DMXL1: variants seen among roughly 807,000 people sequenced by gnomAD.
DMXL1 encodes the protein Dmx like 1, also known as dmX-like protein 1.
A neutral mutation model predicts 319.2 loss-of-function variants in DMXL1; 99 were observed. The observed-to-expected ratio is 0.31, with a 90% confidence interval of 0.26 to 0.37. The LOEUF is 0.37. Ranked by LOEUF, DMXL1 falls within the 10% of genes least tolerant of loss-of-function variation. The pLI is 1.00. For synonymous variants in DMXL1, 1,385 were observed against 1,235.2 expected (o/e 1.12, Z -2.54); for missense variants, 3,745 against 3,595.6 (o/e 1.04, Z -1.06).
intron 1 of DMXL1, among the ~76,000 whole-genome samples, chr5:119,087,262 T>C (rs1478805399): frequency 6.6e-6 from 1 of 152,108 alleles, no homozygotes; most frequent in Non-Finnish European, 1.5e-5. Context: ...TTAGGTTATT[T>C]GAAGTCTTTC....
At chr5:119,199,418 C>G (rs1475663590) in intron 32 of DMXL1, among the ~76,000 whole-genome samples, 1 of 152,192 alleles carries the variant, frequency 6.6e-6, no homozygotes, top group Non-Finnish European at 1.5e-5. Flanking sequence ...TTTTTTATGG[C>G]TACATAGTAT....
At chr5:119,125,884 A>C (rs1045752593) in intron 9 of DMXL1, among the ~76,000 whole-genome samples, 2 of 152,232 alleles carry the variant, frequency 1.3e-5, no homozygotes, top group Non-Finnish European at 2.9e-5. Context: ...TAAAAAATCC[A>C]AAACAAACAA....
At position 119,116,141 on chromosome 5, in the gene DMXL1, G is replaced by GT. The variant is rs745748660; in HGVS notation, c.565-7dup. The GT allele has an allele frequency of 0.04, 46,052 of 1,144,476 alleles. No homozygotes were observed. The highest frequency in any genetic ancestry group is 0.066 in the South Asian group (3,983 of 60,564). 70.9% of individuals were successfully genotyped at this position (1,144,476 alleles called of 1,614,324 possible). A position where few individuals can be genotyped will look rare whatever the true frequency, so the allele number is the denominator to read the frequency against. On this transcript the variant is annotated splice_polypyrimidine_tract_variant and intron_variant, in intron 6 of 43. Transcript: ENST00000539542. ...TCTGATCTCCATGATTTTCTGTTTT[G>GT]TTTTTTTTTTCCTTAGGATGACTGT...
chr5:119,117,195 A>G (rs945701137), intron 7 of DMXL1, among the ~76,000 whole-genome samples: 1 of 151,968 alleles, frequency 6.6e-6, no homozygotes. Flanking sequence ...TGCTGGGCTA[A>G]TATATTTTTT....
chr5:119,220,658 A>G (rs1784494698), intron 36 of DMXL1, 65 bp downstream of exon 36: 2 of 1,547,382 alleles, frequency 1.3e-6, no homozygotes, highest in Non-Finnish European at 1.8e-6. Flanking sequence ...TACTGAACTA[A>G]AACTTTCAAA....
intron 38 of DMXL1, among the ~76,000 whole-genome samples, chr5:119,230,607 G>A (rs1786506620): frequency 6.6e-6 from 1 of 152,192 alleles, no homozygotes; most frequent in Admixed American, 6.5e-5. Context: ...TCTGGGCCGG[G>A]CACAGTGGCT....
intron 2 of DMXL1, chr5:119,100,547 C>G (rs1757018297): frequency 6.6e-6 from 1 of 151,474 alleles, no homozygotes; most frequent in Non-Finnish European, 1.5e-5. Context: ...AAAATTAATC[C>G]TCATTTATCC....
At chr5:119,138,699 T>A (rs904857841) in intron 13 of DMXL1, among the ~76,000 whole-genome samples, 6 of 152,098 alleles carry the variant, frequency 3.9e-5, no homozygotes, top group African/African-American at 1.4e-4. Context: ...TAGCCAGATG[T>A]GGTGGCAGGA....
chr5:119,077,447 G>GT (rs1424523298), intron 1 of DMXL1, among the ~76,000 whole-genome samples: 5 of 118,640 alleles, frequency 4.2e-5, no homozygotes, highest in Non-Finnish European at 7.2e-5. Flanking sequence ...TGATTTAGAA[G>GT]TTTCATGTAT....
rs1234616498 is a variant in DMXL1, at chr5:119,149,096, G to C, written c.3269G>C (p.Cys1090Ser). The part of the protein sequence containing the change: ...IFECESTGGS[C>S]WVLEQTIHLD... ...GAATGTGAGTCAACAGGAGGTTCAT[G>C]TTGGGTCCTTGAGCAGACAATTCAT... is the stretch of plus-strand genomic sequence containing the variant. The change falls in exon 18 of 44, where the codon TGT (cysteine) becomes TCT (serine). Residue 1090 changes from cysteine (C) to serine (S), a missense_variant. Coordinates refer to ENST00000539542, the MANE Select transcript of DMXL1 (RefSeq NM_001290321.3). 1 of 1,613,936 alleles carries C rather than the reference G, an allele frequency of 6.2e-7. No homozygotes were observed. Among genetic ancestry groups the C allele is most frequent in the Non-Finnish European group, 8.5e-7 (1 of 1,179,884 alleles).
At chr5:119,131,464 T>C (rs1345114756) in intron 10 of DMXL1, among the ~76,000 whole-genome samples, 1 of 152,334 alleles carries the variant, frequency 6.6e-6, no homozygotes, top group East Asian at 1.9e-4. Flanking sequence ...TCCATACACC[T>C]AGAGGATAAC....
intron 2 of DMXL1, among the ~76,000 whole-genome samples, chr5:119,099,293 C>T (rs1011978684): frequency 6.6e-6 from 1 of 152,104 alleles, no homozygotes; most frequent in African/African-American, 2.4e-5. Flanking sequence ...TCACTGCAGC[C>T]TCTGGCTTCC....
rs70982467 is a variant in DMXL1 at position 119,089,999 on chromosome 5, C to CTTTTTTTTTTTTTTTTT, written c.88-7958_88-7942dup. Among the ~76,000 whole-genome samples, 31 of 34,400 alleles carry CTTTTTTTTTTTTTTTTT rather than the reference C, an allele frequency of 9.0e-4. 10 individuals are homozygous for CTTTTTTTTTTTTTTTTT. Among genetic ancestry groups the CTTTTTTTTTTTTTTTTT allele is most frequent in the Non-Finnish European group, 9.6e-4 (18 of 18,760 alleles). The allele number at this position is 34,400 out of a possible 152,430, so 22.6% of individuals were successfully genotyped here. On this transcript the variant is annotated intron_variant, in intron 1 of 43. Transcript: ENST00000539542. ...TGATTATTTTATGCTTCGGGTTAGT[C>CTTTTTTTTTTTTTTTTT]TTTTTTTTTTTTTTTTTTTTTTTTT...
Position 119,171,033 on chromosome 5 carries a change from A to T in DMXL1, c.6242A>T (p.Glu2081Val), listed in dbSNP as rs563099585. ...ACTTGTGACTTTTGCTCAGATGCTG[A>T]AGAACTACAGTCTGCATTTGGCAGA... is the stretch of plus-strand genomic sequence containing the variant. ...QRTCDFCSDA[E>V]ELQSAFGRNE... Residue 2081 changes from glutamate to valine, a missense_variant, in exon 24 of 44, where the codon GAA becomes GTA. This residue lies in a region of DMXL1 where 1,382 missense variants were observed against 1,269.5 expected (regional missense o/e 1.09). Coordinates refer to ENST00000539542, the MANE Select transcript of DMXL1 (RefSeq NM_001290321.3). The T allele has an allele frequency of 6.2e-7, 1 of 1,613,952 alleles. No individual in the cohort carries two copies. The highest frequency in any genetic ancestry group is 1.3e-5 in the African/African-American group (1 of 75,026).
intron 6 of DMXL1, among the ~76,000 whole-genome samples, chr5:119,115,306 T>C (rs1019652131): frequency 6.6e-6 from 1 of 152,246 alleles, no homozygotes; most frequent in Non-Finnish European, 1.5e-5. Context: ...AGGCTGTTTT[T>C]AATATATAAG....
At chr5:119,077,372 G>C (rs1007009658) in intron 1 of DMXL1, among the ~76,000 whole-genome samples, 2 of 151,886 alleles carry the variant, frequency 1.3e-5, no homozygotes, top group Admixed American at 6.6e-5. Context: ...TTATAGTCAG[G>C]GCACCTTGAA....
intron 19 of DMXL1, among the ~76,000 whole-genome samples, chr5:119,152,570 T>C (rs910628862): frequency 1.3e-5 from 2 of 152,232 alleles, no homozygotes; most frequent in African/African-American, 4.8e-5. Flanking sequence ...TCAGATACTG[T>C]TAGTTCTCTT....
chr5:119,124,048 C>T (rs563970688), intron 9 of DMXL1, among the ~76,000 whole-genome samples: 134 of 151,670 alleles, frequency 8.8e-4, no homozygotes, highest in Non-Finnish European at 1.6e-3. Context: ...GTCACTCATA[C>T]CTGTAATCCC....
At chr5:119,219,489 T>C (rs1784277390) in intron 35 of DMXL1, among the ~76,000 whole-genome samples, 1 of 152,176 alleles carries the variant, frequency 6.6e-6, no homozygotes, top group South Asian at 2.1e-4. Flanking sequence ...AACATAACAG[T>C]AATGGTAATC....
Sources: allele counts gnomAD v4.1 joint callset (sites outside exome capture counted in the v4.1 genomes callset), GRCh38; gene constraint gnomAD v4.1.1; regional missense constraint gnomAD v4.1.1; transcripts MANE v1.5; gene names NCBI Gene and HGNC (gene_info 2026-07-23, HGNC 2026-07-21).